EPHA7: variants seen among roughly 807,000 people sequenced by gnomAD.
EPHA7 encodes EPH receptor A7, also known as ephrin type-A receptor 7.
Under a neutral mutation model 112.6 loss-of-function variants are expected in EPHA7, and 25 were observed. That is an observed-to-expected ratio of 0.22 (90% confidence interval 0.16 to 0.31). The LOEUF (loss-of-function observed/expected upper bound fraction) is 0.31, where lower values mean the gene tolerates loss of function less well. Among genes scored for constraint, EPHA7 ranks in the 10% least tolerant of loss-of-function variants. EPHA7 has a pLI of 1.00. For missense variants in EPHA7, 962 were observed against 1,212.6 expected (o/e 0.79, Z 3.07); for synonymous variants, 437 against 406.5 (o/e 1.07, Z -0.90).
intron 5 of EPHA7, among the ~76,000 whole-genome samples, chr6:93,311,773 GC>G (rs1436835126): frequency 2.0e-5 from 3 of 152,100 alleles, no homozygotes; most frequent in African/African-American, 4.8e-5. Context: ...ACTATCTATT[GC>G]AGCTATAGTC....
At chr6:93,363,920 G>A (rs1022029094) in intron 3 of EPHA7, among the ~76,000 whole-genome samples, 1 of 152,122 alleles carries the variant, frequency 6.6e-6, no homozygotes, top group African/African-American at 2.4e-5. Context: ...TTTAAAACAT[G>A]CTACATAAGA....
intron 5 of EPHA7, among the ~76,000 whole-genome samples, chr6:93,348,773 C>T (rs1382923965): frequency 6.6e-6 from 1 of 151,734 alleles, no homozygotes; most frequent in Non-Finnish European, 1.5e-5. Context: ...ATTTTCTTTG[C>T]ATATTACAGT....
intron 5 of EPHA7, among the ~76,000 whole-genome samples, chr6:93,288,392 G>C (rs1254789279): frequency 6.6e-6 from 1 of 152,140 alleles, no homozygotes; most frequent in Non-Finnish European, 1.5e-5. Context: ...TGGTTGCCTA[G>C]GTCTAGGGGT....
At chr6:93,375,106 G>GA (rs1369652689) in intron 3 of EPHA7, among the ~76,000 whole-genome samples, 1 of 152,000 alleles carries the variant, frequency 6.6e-6, no homozygotes, top group Non-Finnish European at 1.5e-5. Flanking sequence ...CTGGATCCTT[G>GA]AAAATAATAT....
In EPHA7 at chr6:93,245,408, G is replaced by C. The variant is rs781498240; in HGVS notation, c.2772C>G (p.Thr924=). Residue 924 remains threonine, a synonymous_variant, in exon 16 of 17, where the codon ACC becomes ACG. Transcript: ENST00000369303. ...LLDQNTPDFT[T]FCSVGEWLQA... Reference sequence around the variant, plus strand: ...GTAGCCATTCTCCAACTGAACAAAAGGTAGTGAAATCAGGAGTGTTTTGAT... The same window carrying C: ...GTAGCCATTCTCCAACTGAACAAAACGTAGTGAAATCAGGAGTGTTTTGAT... 1.2e-6 allele frequency: 2 copies of C among 1,613,658 alleles called. No homozygotes were observed. The highest frequency in any genetic ancestry group is 4.5e-5 in the East Asian group (2 of 44,790).
chr6:93,243,330 A>T lies in EPHA7; in HGVS notation c.*96T>A. 2 of 866,288 alleles carry T rather than the reference A, an allele frequency of 2.3e-6. No individual in the cohort carries two copies. The highest frequency in any genetic ancestry group is 3.7e-6 in the Non-Finnish European group (2 of 541,978). 53.7% of individuals were successfully genotyped at this position (866,288 alleles called of 1,614,324 possible). On this transcript the variant is annotated 3_prime_UTR_variant, in exon 17 of 17. Coordinates refer to ENST00000369303, the MANE Select transcript of EPHA7 (RefSeq NM_004440.4). ...CTCTTCACTGTTGGAAGGACCCAGG[A>T]CATCACTTGTCTTCTAGCAGCATTC...
chr6:93,409,447 T>G (rs912725149), intron 3 of EPHA7, among the ~76,000 whole-genome samples: 1 of 152,038 alleles, frequency 6.6e-6, no homozygotes, highest in Non-Finnish European at 1.5e-5. Context: ...TAAGCTTGTG[T>G]ATGTAAAGGA....
intron 3 of EPHA7, among the ~76,000 whole-genome samples, chr6:93,363,749 C>A (rs1776367459): frequency 6.6e-6 from 1 of 152,080 alleles, no homozygotes; most frequent in Admixed American, 6.5e-5. Context: ...TACATGCACA[C>A]AAAAACCTGT....
intron 5 of EPHA7, among the ~76,000 whole-genome samples, chr6:93,326,160 T>G (rs1432621062): frequency 6.6e-6 from 1 of 151,300 alleles, no homozygotes; most frequent in Non-Finnish European, 1.5e-5. Flanking sequence ...TAGTGGGAAG[T>G]AAAAAGGAAA....
chr6:93,264,581 C>G lies in EPHA7; in HGVS notation c.1742+13G>C, dbSNP rs375801883. ...CATTTTATGTTAGAGATTAGAACAA[C>G]TTTGTGTTCTACCTTCTCCCAATGA... On this transcript the variant is annotated intron_variant, in intron 8 of 16. Coordinates refer to ENST00000369303, the MANE Select transcript of EPHA7 (RefSeq NM_004440.4). 6.5e-7 allele frequency: 1 copy of G among 1,528,892 alleles called. No homozygotes were observed. The allele number at this position is 1,528,892 out of a possible 1,614,324, so 94.7% of individuals were successfully genotyped here. A position where few individuals can be genotyped will look rare whatever the true frequency, so the allele number is the denominator to read the frequency against.
intron 14 of EPHA7, among the ~76,000 whole-genome samples, chr6:93,249,953 T>C (rs1214142034): frequency 6.6e-6 from 1 of 152,184 alleles, no homozygotes; most frequent in Non-Finnish European, 1.5e-5. Flanking sequence ...ACCTCTGTAG[T>C]TGTCCTACTG....
chr6:93,330,749 G>A (rs1339820797), intron 5 of EPHA7, among the ~76,000 whole-genome samples: 1 of 151,366 alleles, frequency 6.6e-6, no homozygotes, highest in Non-Finnish European at 1.5e-5. Context: ...AGTAAACATA[G>A]GGGTGCAGAT....
rs1471542059 is a variant in EPHA7 at position 93,255,858 on chromosome 6, C to T, written c.2352G>A (p.Glu784=). The T allele has an allele frequency of 5.6e-6, 9 of 1,613,970 alleles. No homozygotes were observed. The highest frequency in any genetic ancestry group is 7.6e-6 in the Non-Finnish European group (9 of 1,179,966). ...TTGTATAGACAGCTTCTGGATCATC[C>T]TCTATAACTCGGGACAGGCCAAAAT... The part of the protein sequence containing the change: ...VSDFGLSRVI[E]DDPEAVYTTT... The change falls in exon 13 of 17, where the codon GAG becomes GAA. Residue 784 remains glutamate (E), a synonymous_variant. Coordinates refer to ENST00000369303, the MANE Select transcript of EPHA7 (RefSeq NM_004440.4).
chr6:93,333,233 A>C (rs936300736), intron 5 of EPHA7, among the ~76,000 whole-genome samples: 1 of 151,736 alleles, frequency 6.6e-6, no homozygotes, highest in Non-Finnish European at 1.5e-5. Context: ...TTTTAAGGCT[A>C]TGTAGTATTC....
rs1158620225 is a variant in EPHA7 at position 93,357,026 on chromosome 6, T to A, written c.1015A>T (p.Ile339Phe). Reference sequence around the variant, plus strand: ...ACTGTGGTTTGGTTGATGTTGAAAATGAGGTTCTGTGGTGCAGATGGAGGC... The same window carrying A: ...ACTGTGGTTTGGTTGATGTTGAAAAAGAGGTTCTGTGGTGCAGATGGAGGC... ...TRPPSAPQNL[I>F]FNINQTTVSL... Residue 339 changes from isoleucine to phenylalanine, a missense_variant, in exon 5 of 17, where the codon ATT becomes TTT. By Grantham distance (21) the Ile-to-Phe change is conservative. This residue lies in a region of EPHA7 where 746 missense variants were observed against 889.2 expected (regional missense o/e 0.84). Coordinates refer to ENST00000369303, the MANE Select transcript of EPHA7 (RefSeq NM_004440.4). 1 of 1,613,088 alleles carries A rather than the reference T, an allele frequency of 6.2e-7. No individual in the cohort carries two copies. The highest frequency in any genetic ancestry group is 2.2e-5 in the East Asian group (1 of 44,842).
intron 5 of EPHA7, among the ~76,000 whole-genome samples, chr6:93,317,013 G>A (rs1321526155): frequency 6.6e-6 from 1 of 152,140 alleles, no homozygotes; most frequent in Non-Finnish European, 1.5e-5. Flanking sequence ...GCGCTTATGA[G>A]GGTCATTTCT....
chr6:93,322,400 C>A (rs1198742640), intron 5 of EPHA7, among the ~76,000 whole-genome samples: 3 of 151,452 alleles, frequency 2.0e-5, no homozygotes, highest in Non-Finnish European at 4.4e-5. Flanking sequence ...GCAAGCAATT[C>A]CTTTTTTTGT....
At chr6:93,266,459 G>A (rs2127872216) in intron 7 of EPHA7, among the ~76,000 whole-genome samples, 1 of 151,584 alleles carries the variant, frequency 6.6e-6, no homozygotes, top group African/African-American at 2.4e-5. Flanking sequence ...ATATTGTCAG[G>A]GTCGTACTTT....
intron 3 of EPHA7, among the ~76,000 whole-genome samples, chr6:93,408,065 C>T (rs536345600): frequency 6.6e-6 from 1 of 152,018 alleles, no homozygotes; most frequent in South Asian, 2.1e-4. Flanking sequence ...AAACAACTGC[C>T]ACAAAAACCC....
Sources: gnomAD v4.1 joint callset for allele counts (sites outside exome capture counted in the v4.1 genomes callset) on GRCh38, gnomAD v4.1.1 for gene constraint, gnomAD v4.1.1 regional missense constraint, MANE v1.5 for transcripts, NCBI Gene and HGNC (gene_info 2026-07-23, HGNC 2026-07-21) for gene names.